Variants in LYST observed in about 807,000 individuals in gnomAD.
LYST encodes the protein lysosomal trafficking regulator, also known as lysosomal-trafficking regulator.
A neutral mutation model predicts 413.6 loss-of-function variants in LYST; 192 were observed. The observed-to-expected ratio is 0.46, with a 90% CI of 0.41 to 0.52. The LOEUF (loss-of-function observed/expected upper bound fraction) is 0.52. Among genes scored for constraint, LYST ranks in the 20% least tolerant of loss-of-function variants. The probability of loss-of-function intolerance (pLI) is 0.00; values close to 1 mark genes in which losing one functional copy is unlikely to be tolerated. For synonymous variants in LYST, 1,525 were observed against 1,567.3 expected (o/e 0.97, Z 0.64); for missense variants, 3,815 against 4,499.9 (o/e 0.85, Z 4.35).
chr1:235,868,726 C>T (rs1056012464), upstream of LYST, among the ~76,000 whole-genome samples: 3 of 152,138 alleles, frequency 2.0e-5, no homozygotes, highest in Non-Finnish European at 2.9e-5. Context: ...GATGCAGCTT[C>T]ACTCTTTTTC....
intron 38 of LYST, among the ~76,000 whole-genome samples, chr1:235,727,041 CTACTTTAAA>C (rs1255673471): frequency 6.6e-6 from 1 of 151,958 alleles, no homozygotes; most frequent in South Asian, 2.1e-4. Flanking sequence ...ATATTTCTGA[CTACTTTAAA>C]TACTTTCATG....
In LYST at chr1:235,729,346, T is replaced by G. The variant is rs79679095; in HGVS notation, c.9106+250A>C. 3.7e-4 allele frequency among the ~76,000 whole-genome samples: 57 copies of G among 152,302 alleles called. 1 individual carries two copies. The East Asian group carries it at 0.01, about 27-fold the overall frequency. ...ATAAAAGAAATGGTTAAATATAAATTTGCATATCATGAAGAAACAATTTTA... is the reference window on the plus strand; with the variant it reads ...ATAAAAGAAATGGTTAAATATAAATGTGCATATCATGAAGAAACAATTTTA... On this transcript the variant is annotated intron_variant, in intron 37 of 52. Transcript: ENST00000389793.
At chr1:235,781,302 C>T (rs1669849810) in intron 15 of LYST, among the ~76,000 whole-genome samples, 1 of 152,000 alleles carries the variant, frequency 6.6e-6, no homozygotes, top group African/African-American at 2.4e-5. Context: ...CATAACATTT[C>T]CATTTGCTCC....
rs1244057665 is a variant in LYST, at chr1:235,755,527, C to T, written c.7180G>A (p.Glu2394Lys). 1 of 1,613,850 alleles carries T rather than the reference C, an allele frequency of 6.2e-7. No individual in the cohort carries two copies. The highest frequency in any genetic ancestry group is 2.2e-5 in the East Asian group (1 of 44,858). Residue 2394 changes from glutamate (E) to lysine (K), a missense_variant, in exon 25 of 53, where the codon GAA (glutamate) becomes AAA (lysine). By Grantham distance (56) the Glu-to-Lys change is moderately conservative. Around this residue, in one of 4 missense-constraint regions of LYST, gnomAD observed 771 missense variants for 837.1 expected, o/e 0.92. Coordinates refer to ENST00000389793, the MANE Select transcript of LYST (RefSeq NM_000081.4). The stretch of plus-strand genomic sequence containing the variant: ...CCAAAGAACATTTCGATGAAGCATT[C>T]TAACAATTCTTGAGTTCCTCGATGA... ...YLHRGTQELL[E>K]CFIEMFFGRH...
At chr1:235,835,423 A>G (rs1676469687) in intron 1 of LYST, among the ~76,000 whole-genome samples, 1 of 152,190 alleles carries the variant, frequency 6.6e-6, no homozygotes, top group Non-Finnish European at 1.5e-5. Flanking sequence ...GCGTGGCCGT[A>G]AGAAGTGAAA....
At chr1:235,712,426 ATTAGT>A (rs1662470904) in intron 42 of LYST, 1 of 363,594 alleles carries the variant, frequency 2.8e-6, no homozygotes, top group African/African-American at 2.1e-5. Flanking sequence ...ATATTATTAG[ATTAGT>A]TTATATCATC....
chr1:235,700,384 A>G (rs576828905), intron 45 of LYST, among the ~76,000 whole-genome samples: 3 of 152,354 alleles, frequency 2.0e-5, no homozygotes, highest in African/African-American at 7.2e-5. Flanking sequence ...CAAATTTACA[A>G]GAAAAAAACA....
chr1:235,762,397 G>T (rs940382119), intron 22 of LYST, among the ~76,000 whole-genome samples: 1 of 152,128 alleles, frequency 6.6e-6, no homozygotes. Context: ...CATTTATCTG[G>T]CAAGTGAAGT....
intron 1 of LYST, among the ~76,000 whole-genome samples, chr1:235,848,544 A>G (rs1005040457): frequency 2.6e-5 from 4 of 152,178 alleles, no homozygotes; most frequent in African/African-American, 9.6e-5. Flanking sequence ...ACTAAATGAA[A>G]TTGAAACAAA....
At chr1:235,823,240 G>A (rs1558303024) in intron 3 of LYST, among the ~76,000 whole-genome samples, 1 of 152,110 alleles carries the variant, frequency 6.6e-6, no homozygotes, top group Non-Finnish European at 1.5e-5. Flanking sequence ...TTTCCACTGT[G>A]ATCACACTCT....
chr1:235,741,584 A>C lies in LYST; in HGVS notation c.8196T>G (p.Ile2732Met), dbSNP rs1390728605. 1.2e-6 allele frequency: 2 copies of C among 1,614,146 alleles called. No homozygotes were observed. Among genetic ancestry groups the C allele is most frequent in the Non-Finnish European group, 1.7e-6 (2 of 1,180,010 alleles). ...ASGSKQQWTK[I>M]LWSCKETFRM... ...GGAAGGTCTCCTTACAAGACCACAG[A>C]ATTTTAGTCCATTGCTGCTTGGAAC... Residue 2732 changes from isoleucine (I) to methionine (M), a missense_variant, in exon 31 of 53, where the codon ATT becomes ATG. Transcript: ENST00000389793.
chr1:235,748,293 T>C (rs1392695377), intron 28 of LYST, among the ~76,000 whole-genome samples: 1 of 152,154 alleles, frequency 6.6e-6, no homozygotes, highest in African/African-American at 2.4e-5. Context: ...GCATTAAGGG[T>C]GATGTGTAAA....
At chr1:235,715,066 G>A (rs1325158421) in intron 42 of LYST, 135 bp downstream of exon 42, 1 of 836,634 alleles carries the variant, frequency 1.2e-6, no homozygotes, top group Non-Finnish European at 1.9e-6. Flanking sequence ...TTTGGGCAAG[G>A]AATAAATAGA....
At chr1:235,832,331 A>G (rs1676086295) in intron 2 of LYST, among the ~76,000 whole-genome samples, 1 of 152,226 alleles carries the variant, frequency 6.6e-6, no homozygotes, top group Non-Finnish European at 1.5e-5. Flanking sequence ...AGAAACATTA[A>G]AAATGTGAAA....
At chr1:235,734,773 T>C in intron 31 of LYST, 114 bp from the exon 32 acceptor site, 1 of 675,348 alleles carries the variant, frequency 1.5e-6, no homozygotes, top group Non-Finnish European at 2.5e-6. Context: ...CTGATTTAAA[T>C]AAAGCACCTA....
intron 10 of LYST, among the ~76,000 whole-genome samples, chr1:235,798,436 T>G (rs1436376576): frequency 6.6e-6 from 1 of 151,458 alleles, no homozygotes; most frequent in South Asian, 2.1e-4. Flanking sequence ...TCAATTTCTC[T>G]GTAAATCTAA....
intron 1 of LYST, among the ~76,000 whole-genome samples, chr1:235,872,463 C>G (rs1348252882): frequency 6.6e-6 from 1 of 152,030 alleles, no homozygotes; most frequent in African/African-American, 2.4e-5. Flanking sequence ...TGGTAATAGA[C>G]CGAGGGGGGA....
At chr1:235,855,972 G>A (rs1208896966) in intron 1 of LYST, among the ~76,000 whole-genome samples, 1 of 152,044 alleles carries the variant, frequency 6.6e-6, no homozygotes, top group African/African-American at 2.4e-5. Flanking sequence ...CAGATCTGGT[G>A]GCTGAATCTA....
At chr1:235,780,731 A>T (rs533813783) in intron 16 of LYST, 134 bp downstream of exon 16, 54 of 415,846 alleles carry the variant, frequency 1.3e-4, no homozygotes, top group African/African-American at 1.1e-3. Flanking sequence ...TCAGAAAAAA[A>T]CATAATTCTA....
Sources: gnomAD v4.1 joint callset for allele counts (sites outside exome capture counted in the v4.1 genomes callset) on GRCh38, gnomAD v4.1.1 for gene constraint, gnomAD v4.1.1 regional missense constraint, MANE v1.5 for transcripts, NCBI Gene and HGNC (gene_info 2026-07-23, HGNC 2026-07-21) for gene names.